VWC2L: variants seen among roughly 807,000 people sequenced by gnomAD.
VWC2L encodes the protein von Willebrand factor C domain containing 2 like.
A neutral mutation model predicts 21.6 loss-of-function variants in VWC2L; 10 were observed. The ratio of observed to expected loss-of-function variants is 0.46; its 90% confidence interval spans 0.29 to 0.78. The LOEUF (loss-of-function observed/expected upper bound fraction) is 0.78. Ranked by LOEUF, VWC2L falls within the 30% of genes least tolerant of loss-of-function variation. The probability of loss-of-function intolerance (pLI) is 0.10; values close to 1 mark genes in which losing one functional copy is unlikely to be tolerated. For missense variants in VWC2L, 209 were observed against 277.1 expected, an observed-to-expected ratio of 0.75 and a Z score of 1.74; for synonymous variants, 96 against 94.3, an observed-to-expected ratio of 1.02 and a Z score of -0.10.
intron 3 of VWC2L, among the ~76,000 whole-genome samples, chr2:214,485,792 T>G (rs892419415): frequency 6.6e-6 from 1 of 152,192 alleles, no homozygotes; most frequent in Non-Finnish European, 1.5e-5. Context: ...AACCACATCG[T>G]CTTCATCTTT....
intron 3 of VWC2L, among the ~76,000 whole-genome samples, chr2:214,463,104 T>C (rs1304879152): frequency 1.3e-5 from 2 of 152,198 alleles, no homozygotes; most frequent in Admixed American, 6.5e-5. Flanking sequence ...TTCTCGGATA[T>C]AGTACTATAT....
chr2:214,554,439 G>A (rs1478789940), intron 3 of VWC2L, among the ~76,000 whole-genome samples: 1 of 152,026 alleles, frequency 6.6e-6, no homozygotes, highest in African/African-American at 2.4e-5. Context: ...CGAGGCGGGT[G>A]GATCACCTGA....
At chr2:214,535,432 C>T (rs887220280) in intron 3 of VWC2L, among the ~76,000 whole-genome samples, 1 of 151,982 alleles carries the variant, frequency 6.6e-6, no homozygotes, top group Non-Finnish European at 1.5e-5. Context: ...CTCCCCGACC[C>T]CACCACCGTC....
At chr2:214,421,687 A>T (rs1485757452) in intron 2 of VWC2L, among the ~76,000 whole-genome samples, 1 of 151,594 alleles carries the variant, frequency 6.6e-6, no homozygotes, top group Non-Finnish European at 1.5e-5. Flanking sequence ...TTCCTTACTG[A>T]CTCACCCACA....
At chr2:214,436,857 C>T in intron 3 of VWC2L, 99 bp downstream of exon 3, 1 of 1,423,704 alleles carries the variant, frequency 7.0e-7, no homozygotes. Context: ...CTAAGATCTG[C>T]CTGTGGCTTT....
At position 214,482,563 on chromosome 2, in the gene VWC2L, A is replaced by G. The variant is rs1453898696; in HGVS notation, c.520+45805A>G. ...CACACACACACACACATATATATAT[A>G]TATCTCTCCAAACTGGTAAACAAAT... is the stretch of plus-strand genomic sequence containing the variant. On this transcript the variant is annotated intron_variant, in intron 3 of 3. Coordinates refer to ENST00000312504, the MANE Select transcript of VWC2L (RefSeq NM_001080500.4). Among the ~76,000 whole-genome samples, 3 of 151,066 alleles carry G rather than the reference A, an allele frequency of 2.0e-5. No individual in the cohort carries two copies. In the East Asian group the frequency reaches 5.8e-4, roughly 29 times the overall value.
At chr2:214,438,213 G>A (rs1363083188) in intron 3 of VWC2L, among the ~76,000 whole-genome samples, 1 of 152,040 alleles carries the variant, frequency 6.6e-6, no homozygotes, top group African/African-American at 2.4e-5. Context: ...AGCATAATTT[G>A]TCCTAGAGAA....
At chr2:214,522,933 ACT>A (rs1156760361) in intron 3 of VWC2L, among the ~76,000 whole-genome samples, 1 of 152,112 alleles carries the variant, frequency 6.6e-6, no homozygotes, top group African/African-American at 2.4e-5. Flanking sequence ...CCCAAAGCTG[ACT>A]CTTTTTAATA....
At chr2:214,454,534 CTT>C (rs1381612637) in intron 3 of VWC2L, among the ~76,000 whole-genome samples, 5 of 138,390 alleles carry the variant, frequency 3.6e-5, no homozygotes, top group African/African-American at 1.4e-4. Flanking sequence ...TTGTGTGTCT[CTT>C]GAGATAATCA....
intron 3 of VWC2L, among the ~76,000 whole-genome samples, chr2:214,477,378 G>T (rs1688540016): frequency 6.6e-6 from 1 of 152,224 alleles, no homozygotes. Flanking sequence ...TGCAGAGGTT[G>T]TCCTTGGTTC....
chr2:214,507,505 G>T (rs1688983725), intron 3 of VWC2L, among the ~76,000 whole-genome samples: 1 of 152,180 alleles, frequency 6.6e-6, no homozygotes, highest in South Asian at 2.1e-4. Context: ...AGGGAAAGTT[G>T]CCAGAGGTAA....
chr2:214,433,617 T>C (rs1388170705), intron 2 of VWC2L, among the ~76,000 whole-genome samples: 1 of 152,200 alleles, frequency 6.6e-6, no homozygotes, highest in Non-Finnish European at 1.5e-5. Flanking sequence ...TATAAAGATT[T>C]ATCCAAAGTA....
intron 3 of VWC2L, among the ~76,000 whole-genome samples, chr2:214,511,919 TACACACACACACAC>T (rs67983945): frequency 1.4e-5 from 2 of 145,366 alleles, no homozygotes; most frequent in African/African-American, 2.5e-5. Context: ...TATATACATA[TACACACACACACAC>T]ACACACACAC....
intron 3 of VWC2L, among the ~76,000 whole-genome samples, chr2:214,507,183 A>G (rs1334050240): frequency 6.6e-6 from 1 of 152,178 alleles, no homozygotes; most frequent in Non-Finnish European, 1.5e-5. Flanking sequence ...ATGTGTATCT[A>G]AAGACAGTAA....
chr2:214,553,108 C>T (rs988572597), intron 3 of VWC2L, among the ~76,000 whole-genome samples: 1 of 152,214 alleles, frequency 6.6e-6, no homozygotes, highest in Non-Finnish European at 1.5e-5. Flanking sequence ...ACTAGTTCAA[C>T]GTGGTCCTTC....
At chr2:214,477,144 A>G (rs934768932) in intron 3 of VWC2L, among the ~76,000 whole-genome samples, 1 of 152,220 alleles carries the variant, frequency 6.6e-6, no homozygotes. Context: ...CATCAGGCAT[A>G]TATAATTTAG....
chr2:214,426,171 CAAAAAAAA>C (rs34411661), intron 2 of VWC2L, among the ~76,000 whole-genome samples: 11 of 69,968 alleles, frequency 1.6e-4, no homozygotes, highest in South Asian at 5.7e-4. Flanking sequence ...GGCTTCGTCT[CAAAAAAAA>C]AAAAAAAAAA....
Position 214,538,065 on chromosome 2 carries a change from G to A in VWC2L, c.521-37607G>A, listed in dbSNP as rs567001251. ...TGACATTTTTCATGAGAGTACTATA[G>A]GAGATGGGATGATTATGCTTGGAAA... On this transcript the variant is annotated intron_variant, in intron 3 of 3. Coordinates refer to ENST00000312504, the MANE Select transcript of VWC2L (RefSeq NM_001080500.4). Among the ~76,000 whole-genome samples, 8 of 152,140 alleles carry A rather than the reference G, an allele frequency of 5.3e-5. No individual in the cohort carries two copies. In the East Asian group the frequency reaches 1.5e-3, roughly 29 times the overall value.
chr2:214,451,198 T>TC (rs1175156004), intron 3 of VWC2L, among the ~76,000 whole-genome samples: 1 of 151,496 alleles, frequency 6.6e-6, no homozygotes, highest in Non-Finnish European at 1.5e-5. Flanking sequence ...TAACAAGGCC[T>TC]CCAGAAATTC....
Sources: gnomAD v4.1 joint callset for allele counts (sites outside exome capture counted in the v4.1 genomes callset) on GRCh38, gnomAD v4.1.1 for gene constraint, MANE v1.5 for transcripts, NCBI Gene and HGNC (gene_info 2026-07-23, HGNC 2026-07-21) for gene names.